The following MAGI3 variants were observed in gnomAD, a reference collection of about 807,000 sequenced individuals.
MAGI3 encodes membrane associated guanylate kinase, WW and PDZ domain containing 3.
MAGI3 carries 43 observed loss-of-function variants against 121.8 expected under a neutral mutation model. That is an observed-to-expected ratio of 0.35 (90% confidence interval 0.28 to 0.46). The LOEUF is 0.46. Among genes scored for constraint, MAGI3 ranks in the 20% least tolerant of loss-of-function variants. MAGI3 has a pLI of 1.00. For missense variants in MAGI3, 1,547 were observed against 1,797.3 expected (o/e 0.86, Z 2.52); for synonymous variants, 553 against 639.3 (o/e 0.86, Z 2.04).
intron 2 of MAGI3, among the ~76,000 whole-genome samples, chr1:113,577,605 G>T (rs2101714526): frequency 6.6e-6 from 1 of 152,140 alleles, no homozygotes; most frequent in South Asian, 2.1e-4. Flanking sequence ...TGGGTTGTAT[G>T]GTTTTGTGGG....
At chr1:113,544,980 T>C (rs1659461315) in intron 1 of MAGI3, among the ~76,000 whole-genome samples, 1 of 151,826 alleles carries the variant, frequency 6.6e-6, no homozygotes, top group Non-Finnish European at 1.5e-5. Context: ...AATACTGAAA[T>C]GTATTGCCTC....
chr1:113,505,553 A>T (rs866275261), intron 1 of MAGI3, among the ~76,000 whole-genome samples: 2 of 148,586 alleles, frequency 1.3e-5, no homozygotes, highest in South Asian at 2.1e-4. Flanking sequence ...TAAATAAATA[A>T]ATATATAATG....
At chr1:113,580,896 A>C in intron 3 of MAGI3, 1 of 266,638 alleles carries the variant, frequency 3.8e-6, no homozygotes, top group Non-Finnish European at 7.0e-6. Context: ...GTATACTAAA[A>C]ATCAGCCAGA....
At chr1:113,576,695 A>G (rs893127676) in intron 2 of MAGI3, 1 of 152,224 alleles carries the variant, frequency 6.6e-6, no homozygotes, top group African/African-American at 2.4e-5. Flanking sequence ...ACAACAGAGG[A>G]AATCTATATG....
At chr1:113,678,810 C>T (rs929629421) in intron 19 of MAGI3, among the ~76,000 whole-genome samples, 8 of 152,186 alleles carry the variant, frequency 5.3e-5, no homozygotes, top group Non-Finnish European at 7.4e-5. Flanking sequence ...GAACCACAGC[C>T]TCCTGACCGC....
intron 14 of MAGI3, among the ~76,000 whole-genome samples, chr1:113,652,267 C>T (rs1224012040): frequency 6.6e-6 from 1 of 152,080 alleles, no homozygotes; most frequent in South Asian, 2.1e-4. Flanking sequence ...GAATATAAGC[C>T]TCATGAAGGT....
intron 3 of MAGI3, 171 bp downstream of exon 3, chr1:113,580,832 G>T: frequency 2.1e-6 from 1 of 466,468 alleles, no homozygotes; most frequent in South Asian, 4.6e-5. Context: ...AATTAAAATG[G>T]GATTAAATAA....
At chr1:113,660,688 C>T (rs1406431602) in intron 16 of MAGI3, among the ~76,000 whole-genome samples, 4 of 150,190 alleles carry the variant, frequency 2.7e-5, no homozygotes, top group Admixed American at 6.7e-5. Context: ...AGTCCTGGCT[C>T]GCTGCAGTCT....
rs550906136 is a variant in MAGI3 at position 113,659,128 on chromosome 1, G to T, written c.2678G>T (p.Arg893Leu). The T allele has an allele frequency of 2.5e-6, 4 of 1,613,614 alleles. No homozygotes were observed. The highest frequency in any genetic ancestry group is 3.4e-6 in the Non-Finnish European group (4 of 1,179,834). The change falls in exon 16 of 21, where the codon CGC (arginine) becomes CTC (leucine). Residue 893 changes from arginine (R) to leucine (L), a missense_variant. Arg to Leu is a moderately radical substitution (Grantham distance 102). Coordinates refer to ENST00000307546, the MANE Select transcript of MAGI3 (RefSeq NM_001142782.2). ...GRVIEGSPAD[R>L]CGKLKVGDHI... is the part of the protein sequence containing the mutation. ...GTCATAGAAGGAAGTCCGGCTGACC[G>T]CTGTGGAAAACTGAAAGTTGGAGAT...
intron 3 of MAGI3, 156 bp downstream of exon 3, chr1:113,580,817 T>G (rs1647975316): frequency 3.8e-6 from 2 of 531,252 alleles, no homozygotes; most frequent in Non-Finnish European, 6.1e-6. Context: ...GATTTGTAAT[T>G]TATTAATTAA....
intron 1 of MAGI3, among the ~76,000 whole-genome samples, chr1:113,425,902 T>TA: frequency 6.6e-6 from 1 of 152,152 alleles, no homozygotes; most frequent in East Asian, 1.9e-4. Flanking sequence ...TTATTTCCAA[T>TA]ATCATTCATT....
intron 1 of MAGI3, among the ~76,000 whole-genome samples, chr1:113,442,742 TG>T (rs1447875131): frequency 6.6e-6 from 1 of 152,068 alleles, no homozygotes; most frequent in African/African-American, 2.4e-5. Context: ...CTCGAGTTGC[TG>T]GGATTACAAG....
At chr1:113,406,189 C>T (rs1322321506) in intron 1 of MAGI3, among the ~76,000 whole-genome samples, 2 of 150,642 alleles carry the variant, frequency 1.3e-5, no homozygotes, top group Non-Finnish European at 3.0e-5. Flanking sequence ...CTGTAAATCC[C>T]AGCACTTTGG....
At chr1:113,571,878 C>T (rs566660786) in intron 2 of MAGI3, among the ~76,000 whole-genome samples, 2 of 152,090 alleles carry the variant, frequency 1.3e-5, no homozygotes, top group African/African-American at 2.4e-5. Context: ...ATTTGAATAC[C>T]CTTTATTTCT....
chr1:113,524,257 A>T (rs1356580640), intron 1 of MAGI3, among the ~76,000 whole-genome samples: 1 of 152,188 alleles, frequency 6.6e-6, no homozygotes, highest in East Asian at 1.9e-4. Flanking sequence ...TGGGGTGGGT[A>T]TGCCCACAGA....
chr1:113,682,679 ATTTTG>A, intron 20 of MAGI3: 1 of 977,980 alleles, frequency 1.0e-6, no homozygotes, highest in South Asian at 4.7e-5. Flanking sequence ...AATGAATATT[ATTTTG>A]TGTATATAAA....
chr1:113,403,300 C>T (rs1354806883), intron 1 of MAGI3, among the ~76,000 whole-genome samples: 1 of 152,074 alleles, frequency 6.6e-6, no homozygotes, highest in Non-Finnish European at 1.5e-5. Flanking sequence ...CTGCTGTTAA[C>T]ATTGTAACTG....
At position 113,684,416 on chromosome 1, in the gene MAGI3, A is replaced by AAGTT. The variant is rs1301326703; in HGVS notation, c.*405_*408dup. 6.3e-6 allele frequency: 1 copy of AAGTT among 157,800 alleles called. No homozygotes were observed. Among genetic ancestry groups the AAGTT allele is most frequent in the East Asian group, 1.8e-4 (1 of 5,450 alleles). 9.8% of individuals were successfully genotyped at this position (157,800 alleles called of 1,614,324 possible). The stretch of plus-strand genomic sequence containing the variant: ...TTCAGCTGTTTCCACAGTAATGAAA[A>AAGTT]AGTTAGGTTTGGCTTGGAAGTTGAT... On this transcript the variant is annotated 3_prime_UTR_variant, in exon 21 of 21. Transcript: ENST00000307546.
chr1:113,609,572 GAA>G (rs1173913599), intron 6 of MAGI3, among the ~76,000 whole-genome samples: 3 of 152,138 alleles, frequency 2.0e-5, no homozygotes, highest in African/African-American at 7.2e-5. Context: ...TATGATGAAA[GAA>G]AGATTAAATT....
Sources: allele counts gnomAD v4.1 joint callset (sites outside exome capture counted in the v4.1 genomes callset), GRCh38; gene constraint gnomAD v4.1.1; transcripts MANE v1.5; gene names NCBI Gene and HGNC (gene_info 2026-07-23, HGNC 2026-07-21).